The following KIAA1217 variants were observed in gnomAD, a reference collection of about 807,000 sequenced individuals.
KIAA1217 encodes the protein KIAA1217.
KIAA1217 carries 88 observed loss-of-function variants against 163.9 expected under a neutral mutation model. The observed-to-expected ratio is 0.54, with a 90% CI of 0.45 to 0.64. KIAA1217 has a LOEUF of 0.64. Ranked by LOEUF, KIAA1217 falls within the 30% of genes least tolerant of loss-of-function variation. KIAA1217 has a pLI of 0.00. For missense variants in KIAA1217, 2,372 were observed against 2,475.0 expected (o/e 0.96, Z 0.88); for synonymous variants, 903 against 923.1 (o/e 0.98, Z 0.39).
chr10:24,446,331 T>C (rs2132164737), intron 5 of KIAA1217, among the ~76,000 whole-genome samples: 1 of 152,230 alleles, frequency 6.6e-6, no homozygotes, highest in South Asian at 2.1e-4. Flanking sequence ...ATCTCTTTCA[T>C]GGTATCTTTT....
intron 1 of KIAA1217, among the ~76,000 whole-genome samples, chr10:23,999,268 A>G (rs1207280926): frequency 3.3e-5 from 5 of 152,332 alleles, no homozygotes; most frequent in African/African-American, 1.2e-4. Context: ...TGTTTGCCCC[A>G]GGGAGGGTGC....
chr10:24,469,242 C>T, intron 5 of KIAA1217, among the ~76,000 whole-genome samples: 1 of 152,026 alleles, frequency 6.6e-6, no homozygotes, highest in East Asian at 1.9e-4. Flanking sequence ...TCGTGTGCCT[C>T]AGCCTCCTGA....
At chr10:24,117,528 G>T (rs527666519) in intron 2 of KIAA1217, among the ~76,000 whole-genome samples, 6 of 152,092 alleles carry the variant, frequency 3.9e-5, no homozygotes, top group Non-Finnish European at 8.8e-5. Context: ...TACTTGGGAG[G>T]TTGAGGTGAG....
At chr10:24,412,527 T>C (rs2057881900) in intron 3 of KIAA1217, among the ~76,000 whole-genome samples, 1 of 152,352 alleles carries the variant, frequency 6.6e-6, no homozygotes, top group Admixed American at 6.5e-5. Context: ...CAGTGCTTGC[T>C]TCTCTTGACT....
intron 2 of KIAA1217, among the ~76,000 whole-genome samples, chr10:24,194,968 G>C (rs184568459): frequency 3.3e-5 from 5 of 152,066 alleles, no homozygotes; most frequent in African/African-American, 1.2e-4. Flanking sequence ...CAAGTCCCCA[G>C]TCTTATCCCT....
chr10:23,868,187 G>T (rs183951446), intron 1 of KIAA1217, among the ~76,000 whole-genome samples: 3 of 151,994 alleles, frequency 2.0e-5, no homozygotes, highest in Non-Finnish European at 4.4e-5. Flanking sequence ...AGCCCTGTTT[G>T]TCTTTGTGTT....
chr10:24,172,602 C>T (rs1235648807), intron 2 of KIAA1217, among the ~76,000 whole-genome samples: 2 of 152,200 alleles, frequency 1.3e-5, no homozygotes, highest in African/African-American at 2.4e-5. Flanking sequence ...AATGAGTTAA[C>T]ATCTGTCCAA....
intron 1 of KIAA1217, among the ~76,000 whole-genome samples, chr10:23,901,968 T>C (rs977052566): frequency 2.0e-5 from 3 of 148,162 alleles, no homozygotes; most frequent in African/African-American, 7.5e-5. Flanking sequence ...AAACCTAACA[T>C]ACTTGGATAT....
chr10:23,982,529 TTCTCTCTC>T (rs59075123), intron 1 of KIAA1217, among the ~76,000 whole-genome samples: 6,861 of 73,512 alleles, frequency 0.093, 289 homozygotes, highest in Middle Eastern at 0.17. Flanking sequence ...TGTTTTTTGT[TTCTCTCTC>T]TCTCTCTCTC....
chr10:23,735,656 G>A (rs892780194), intron 1 of KIAA1217, among the ~76,000 whole-genome samples: 1 of 151,596 alleles, frequency 6.6e-6, no homozygotes, highest in Non-Finnish European at 1.5e-5. Context: ...TTCTCATTGG[G>A]CTCAATGAGA....
In KIAA1217 at chr10:24,542,950, C is replaced by A; in HGVS notation, c.3680C>A (p.Ser1227Tyr). The change falls in exon 19 of 21, where the codon TCT (serine) becomes TAT (tyrosine). Residue 1227 changes from serine (S) to tyrosine (Y), a missense_variant. Around this residue, in one of 3 missense-constraint regions of KIAA1217, gnomAD observed 251 missense variants for 327.3 expected, o/e 0.77. Transcript: ENST00000376454. ...KWERGMENSI[S>Y]DASRTSEYKT... ...GAAAGAGGAATGGAGAATAGTATTT[C>A]TGATGCATCAAGAACATCAGAATAT... 1 of 1,613,572 alleles carries A rather than the reference C, an allele frequency of 6.2e-7. No homozygotes were observed. The highest frequency in any genetic ancestry group is 1.1e-5 in the South Asian group (1 of 91,032).
chr10:24,063,163 T>A lies in KIAA1217; in HGVS notation c.-171+55789T>A, dbSNP rs548343023. Among the ~76,000 whole-genome samples the A allele has an allele frequency of 3.3e-5, 5 of 152,302 alleles. No individual in the cohort carries two copies. The South Asian group carries it at 1.0e-3, about 32-fold the overall frequency. On this transcript the variant is annotated intron_variant, in intron 2 of 18. Coordinates refer to the KIAA1217 transcript ENST00000376462. Reference sequence around the variant, plus strand: ...GTTTAATTAGATCCCATTTGTCAATTTTGGCTTTTGTTGCCATTGCTTTTG... The same window carrying A: ...GTTTAATTAGATCCCATTTGTCAATATTGGCTTTTGTTGCCATTGCTTTTG...
intron 2 of KIAA1217, among the ~76,000 whole-genome samples, chr10:24,358,799 A>G (rs1413318420): frequency 6.6e-6 from 1 of 152,194 alleles, no homozygotes; most frequent in Admixed American, 6.5e-5. Flanking sequence ...TCATAGAAAT[A>G]ATCTTGTCAC....
chr10:23,968,798 T>A (rs1845178215), intron 1 of KIAA1217, among the ~76,000 whole-genome samples: 1 of 152,242 alleles, frequency 6.6e-6, no homozygotes, highest in Non-Finnish European at 1.5e-5. Context: ...GTAGCAAGTA[T>A]CAATACTTAA....
At chr10:24,181,602 G>C (rs2066173867) in intron 2 of KIAA1217, among the ~76,000 whole-genome samples, 1 of 152,166 alleles carries the variant, frequency 6.6e-6, no homozygotes, top group Non-Finnish European at 1.5e-5. Flanking sequence ...TTGTCATTCA[G>C]ATTATTTCAG....
intron 11 of KIAA1217, 34 bp downstream of exon 11, chr10:24,520,287 A>G (rs2070892895): frequency 6.2e-7 from 1 of 1,612,038 alleles, no homozygotes; most frequent in East Asian, 2.2e-5. Flanking sequence ...GAGGAGTCTG[A>G]GCTGTCTTTC....
At chr10:23,999,554 G>A in intron 1 of KIAA1217, among the ~76,000 whole-genome samples, 1 of 152,148 alleles carries the variant, frequency 6.6e-6, no homozygotes, top group Non-Finnish European at 1.5e-5. Flanking sequence ...GCCAGGGATG[G>A]TGCAGAGATG....
At chr10:24,436,578 GA>G (rs1192370270) in intron 4 of KIAA1217, among the ~76,000 whole-genome samples, 2 of 151,500 alleles carry the variant, frequency 1.3e-5, no homozygotes, top group Non-Finnish European at 2.9e-5. Context: ...TTAACACAGT[GA>G]AAACCCGTCT....
intron 2 of KIAA1217, among the ~76,000 whole-genome samples, chr10:24,151,166 T>G (rs2064595603): frequency 6.6e-6 from 1 of 152,060 alleles, no homozygotes; most frequent in South Asian, 2.1e-4. Flanking sequence ...GAATGTGCGC[T>G]TCTCCTGTTG....
Sources: allele counts gnomAD v4.1 joint callset (sites outside exome capture counted in the v4.1 genomes callset), GRCh38; gene constraint gnomAD v4.1.1; regional missense constraint gnomAD v4.1.1; transcripts MANE v1.5; gene names NCBI Gene and HGNC (gene_info 2026-07-23, HGNC 2026-07-21).